The following CEP57 variants were observed in gnomAD, a reference collection of about 807,000 sequenced individuals.
The protein encoded by CEP57 is centrosomal protein of 57 kDa.
CEP57 carries 40 observed loss-of-function variants against 68.0 expected under a neutral mutation model. The observed-to-expected ratio is 0.59, with a 90% CI of 0.46 to 0.77. The LOEUF is 0.77. Among genes scored for constraint, CEP57 ranks in the 30% least tolerant of loss-of-function variants. The pLI is 0.00. For missense variants in CEP57, 606 were observed against 580.7 expected (o/e 1.04, Z -0.45); for synonymous variants, 219 against 198.7 (o/e 1.10, Z -0.86).
At chr11:95,818,339 AGGCG>A (rs1318020308) in intron 5 of CEP57, among the ~76,000 whole-genome samples, 1 of 150,626 alleles carries the variant, frequency 6.6e-6, no homozygotes, top group Non-Finnish European at 1.5e-5. Context: ...TGAAACCAGG[AGGCG>A]GAGGTTGTTG....
rs1340658657 is a variant in CEP57, at chr11:95,831,881, GTTATA to G, written c.*627_*631del. On this transcript the variant is annotated 3_prime_UTR_variant, in exon 11 of 11. Coordinates refer to ENST00000325542, the MANE Select transcript of CEP57 (RefSeq NM_014679.5). ...TTAAAGACCCAAGCAGTCATTTTGA[GTTATA>G]TCTATAAAAATTATAAAAGGATTTT... is the stretch of plus-strand genomic sequence containing the variant. 6.6e-6 allele frequency: 1 copy of G among 151,990 alleles called. No individual in the cohort carries two copies. The highest frequency in any genetic ancestry group is 2.4e-5 in the African/African-American group (1 of 41,400). The allele number at this position is 151,990 out of a possible 1,614,324, so 9.4% of individuals were successfully genotyped here. A position where few individuals can be genotyped will look rare whatever the true frequency, so the allele number is the denominator to read the frequency against.
Position 95,831,174 on chromosome 11 carries a change from G to T in CEP57, c.1421G>T (p.Arg474Met), listed in dbSNP as rs1421538304. 1 of 1,613,258 alleles carries T rather than the reference G, an allele frequency of 6.2e-7. No homozygotes were observed. Reference protein sequence around the residue: ...DFMKLRPGEKRRKNLQLLKDM... With the variant: ...DFMKLRPGEKMRKNLQLLKDM... The stretch of plus-strand genomic sequence containing the variant: ...ATGAAACTGAGACCTGGAGAAAAAA[G>T]GAGAAAAAATCTTCAGTTATTGAAG... Residue 474 changes from arginine (R) to methionine (M), a missense_variant, in exon 11 of 11, where the codon AGG becomes ATG. Physicochemically the swap from Arg to Met is moderately conservative, Grantham distance 91 (BLOSUM62 -1). Coordinates refer to ENST00000325542, the MANE Select transcript of CEP57 (RefSeq NM_014679.5).
At chr11:95,808,344 T>C (rs535819) in intron 2 of CEP57, among the ~76,000 whole-genome samples, 41,495 of 151,556 alleles carry the variant, frequency 0.27, 6,952 homozygotes, top group Non-Finnish European at 0.38. Context: ...ATCATAATGA[T>C]AGGATCAAAT....
chr11:95,794,238 G>A, intron 1 of CEP57: 1 of 455,560 alleles, frequency 2.2e-6, no homozygotes, highest in South Asian at 1.5e-5. Flanking sequence ...GCTGGGCTCT[G>A]GATTACAGCT....
intron 2 of CEP57, 26 bp from the exon 3 acceptor site, chr11:95,812,906 T>G (rs1396408078): frequency 1.2e-6 from 2 of 1,608,562 alleles, no homozygotes; most frequent in Non-Finnish European, 1.7e-6. Context: ...TGTTACAGCA[T>G]CCACGTTTGT....
chr11:95,829,181 A>G lies in CEP57; in HGVS notation c.1128-6A>G, dbSNP rs767357911. The G allele has an allele frequency of 1.2e-6, 2 of 1,613,668 alleles. No homozygotes were observed. The highest frequency in any genetic ancestry group is 1.7e-6 in the Non-Finnish European group (2 of 1,179,926). On this transcript the variant is annotated splice_polypyrimidine_tract_variant and splice_region_variant and intron_variant, in intron 9 of 10. Coordinates refer to ENST00000325542, the MANE Select transcript of CEP57 (RefSeq NM_014679.5). ...TAACCATGTTCTACTTCTGCTTTGT[A>G]TATAGTGATCACCAGCAGCTTGCAA...
At chr11:95,806,727 C>T (rs11021324) in intron 2 of CEP57, among the ~76,000 whole-genome samples, 13 of 152,186 alleles carry the variant, frequency 8.5e-5, no homozygotes, top group African/African-American at 1.4e-4. Context: ...TCTGGAAGCT[C>T]AAACTGGGTG....
At chr11:95,801,972 G>A (rs975173337) in intron 2 of CEP57, among the ~76,000 whole-genome samples, 2 of 152,044 alleles carry the variant, frequency 1.3e-5, no homozygotes, top group Admixed American at 6.6e-5. Flanking sequence ...TTAATCCAAC[G>A]ATACTTACTT....
intron 2 of CEP57, among the ~76,000 whole-genome samples, chr11:95,812,546 G>A (rs1374102494): frequency 1.3e-5 from 2 of 151,756 alleles, no homozygotes; most frequent in Non-Finnish European, 2.9e-5. Flanking sequence ...GGGTTCAAGC[G>A]ATTCTCCTGC....
rs1019410924 is a variant in CEP57 at position 95,832,073 on chromosome 11, G to C, written c.*817G>C. On this transcript the variant is annotated 3_prime_UTR_variant, in exon 11 of 11. Transcript: ENST00000325542. ...TTATGGTTTTTAATCTTGAAACTTA[G>C]AGAACCCTTTGAATATTTGCTTTTA... is the stretch of plus-strand genomic sequence containing the variant. 3 of 152,060 alleles carry C rather than the reference G, an allele frequency of 2.0e-5. No individual in the cohort carries two copies. The highest frequency in any genetic ancestry group is 7.2e-5 in the African/African-American group (3 of 41,396). 9.4% of individuals were successfully genotyped at this position (152,060 alleles called of 1,614,324 possible).
At chr11:95,818,411 C>CAAAAAAAAAA (rs34940479) in intron 5 of CEP57, among the ~76,000 whole-genome samples, 1 of 127,468 alleles carries the variant, frequency 7.8e-6, no homozygotes, top group African/African-American at 3.1e-5. Context: ...AACTCCATCT[C>CAAAAAAAAAA]AAAAAAAAAA....
At chr11:95,790,823 C>A in intron 1 of CEP57, 80 bp downstream of exon 1, 1 of 1,522,532 alleles carries the variant, frequency 6.6e-7, no homozygotes. Context: ...AGGGCGCTGT[C>A]AGTCCAGCTT....
At chr11:95,829,923 A>G (rs1862928189) in intron 10 of CEP57, among the ~76,000 whole-genome samples, 1 of 152,164 alleles carries the variant, frequency 6.6e-6, no homozygotes, top group Non-Finnish European at 1.5e-5. Context: ...GGCAGAGGTA[A>G]ACAGATTTGA....
intron 2 of CEP57, among the ~76,000 whole-genome samples, chr11:95,803,744 G>A (rs1435804805): frequency 7.4e-6 from 1 of 135,482 alleles, no homozygotes. Context: ...CTACAAAAGA[G>A]CTTTTTTTTT....
chr11:95,818,797 C>T, intron 5 of CEP57, 30 bp from the exon 6 acceptor site: 2 of 1,568,592 alleles, frequency 1.3e-6, no homozygotes, highest in Non-Finnish European at 1.8e-6. Context: ...GATTTTTCAC[C>T]TTTATCCCTT....
At chr11:95,828,324 T>TA (rs1243855355) in intron 9 of CEP57, among the ~76,000 whole-genome samples, 1 of 152,050 alleles carries the variant, frequency 6.6e-6, no homozygotes, top group Non-Finnish European at 1.5e-5. Context: ...CTCTGAGAAA[T>TA]ACATCATTAG....
At chr11:95,794,461 G>A (rs1366596310) in intron 1 of CEP57, 3 of 372,612 alleles carry the variant, frequency 8.1e-6, no homozygotes, top group Admixed American at 6.6e-5. Flanking sequence ...GGATGGTATC[G>A]TCCCACTTGT....
chr11:95,790,764 G>T, intron 1 of CEP57, 21 bp downstream of exon 1: 2 of 1,613,762 alleles, frequency 1.2e-6, no homozygotes, highest in Non-Finnish European at 1.7e-6. Flanking sequence ...GTTGGCGCGA[G>T]TGGGCCCCAC....
At position 95,799,341 on chromosome 11, in the gene CEP57, G is replaced by A. The variant is rs771323616; in HGVS notation, c.155G>A (p.Arg52His). 9.3e-6 allele frequency: 15 copies of A among 1,613,876 alleles called. No homozygotes were observed. The highest frequency in any genetic ancestry group is 1.6e-4 in the Middle Eastern group (1 of 6,082). ...DKPFLNSDLR[R>H]SPSKPTLAYP... ...CCTTTCCTTAATAGTGATCTACGAC[G>A]CTCCCCAAGTAAGCCTACACTTGCC... Residue 52 changes from arginine to histidine, a missense_variant, in exon 2 of 11, where the codon CGC (arginine) becomes CAC (histidine). Physicochemically the swap from Arg to His is conservative, Grantham distance 29 (BLOSUM62 0). Coordinates refer to ENST00000325542, the MANE Select transcript of CEP57 (RefSeq NM_014679.5).
Sources: allele counts gnomAD v4.1 joint callset (sites outside exome capture counted in the v4.1 genomes callset), GRCh38; gene constraint gnomAD v4.1.1; transcripts MANE v1.5; gene names NCBI Gene and HGNC (gene_info 2026-07-23, HGNC 2026-07-21).